CCDC50: variants seen among roughly 807,000 people sequenced by gnomAD.
CCDC50 encodes the protein coiled-coil domain containing 50, also known as coiled-coil domain-containing protein 50.
In CCDC50, 54 loss-of-function variants were observed where a neutral mutation model predicts 70.2. That is an observed-to-expected ratio of 0.77 (90% CI 0.62 to 0.96). CCDC50 has a LOEUF of 0.96. CCDC50 is among the 50% of genes least tolerant of loss of function. CCDC50 has a pLI of 0.00. For synonymous variants in CCDC50, 216 were observed against 198.8 expected (o/e 1.09, Z -0.73); for missense variants, 558 against 578.7 (o/e 0.96, Z 0.37).
At chr3:191,347,537 A>G (rs1366859165) in intron 1 of CCDC50, among the ~76,000 whole-genome samples, 1 of 142,224 alleles carries the variant, frequency 7.0e-6, no homozygotes, top group East Asian at 1.9e-4. Context: ...TCTAATCTTA[A>G]CAGTGCCACT....
chr3:191,346,201 A>C (rs1711918337), intron 1 of CCDC50, among the ~76,000 whole-genome samples: 2 of 152,316 alleles, frequency 1.3e-5, no homozygotes, highest in South Asian at 2.1e-4. Flanking sequence ...TCTTCCTTGT[A>C]AATATTTCTT....
At chr3:191,349,107 T>A (rs909512419) in intron 1 of CCDC50, among the ~76,000 whole-genome samples, 3 of 141,060 alleles carry the variant, frequency 2.1e-5, no homozygotes, top group Admixed American at 7.3e-5. Flanking sequence ...AGGGGGTTGG[T>A]TTTGCTAATG....
At chr3:191,374,006 G>A (rs1443597357) in intron 5 of CCDC50, among the ~76,000 whole-genome samples, 1 of 152,090 alleles carries the variant, frequency 6.6e-6, no homozygotes, top group Non-Finnish European at 1.5e-5. Flanking sequence ...TCTTTCAAAT[G>A]CAGTTCAGCA....
chr3:191,381,807 G>A (rs996672460), intron 9 of CCDC50, among the ~76,000 whole-genome samples: 11 of 152,018 alleles, frequency 7.2e-5, no homozygotes, highest in Admixed American at 2.6e-4. Context: ...GGTGTTTAGC[G>A]CTGGTCTCTC....
intron 9 of CCDC50, among the ~76,000 whole-genome samples, chr3:191,381,928 T>C (rs1270774141): frequency 6.6e-6 from 1 of 152,160 alleles, no homozygotes; most frequent in African/African-American, 2.4e-5. Flanking sequence ...TCTTTCCTGT[T>C]GCTCAGTTAC....
intron 10 of CCDC50, among the ~76,000 whole-genome samples, chr3:191,384,999 A>G (rs1204398886): frequency 6.6e-6 from 1 of 152,108 alleles, no homozygotes; most frequent in Non-Finnish European, 1.5e-5. Context: ...ATATGATTTC[A>G]TTCTTTTTTG....
intron 1 of CCDC50, among the ~76,000 whole-genome samples, chr3:191,347,530 A>C (rs76607907): frequency 0.013 from 1,846 of 142,256 alleles, 211 homozygotes; most frequent in African/African-American, 0.044. Flanking sequence ...TCTGAGCTCT[A>C]ATCTTAACAG....
At chr3:191,367,541 T>C (rs1368265220) in intron 4 of CCDC50, among the ~76,000 whole-genome samples, 3 of 152,184 alleles carry the variant, frequency 2.0e-5, no homozygotes, top group Admixed American at 2.0e-4. Context: ...TAGTCACTAC[T>C]AATACCAATT....
intron 10 of CCDC50, among the ~76,000 whole-genome samples, chr3:191,389,046 TTC>T (rs1713594196): frequency 6.6e-6 from 1 of 152,110 alleles, no homozygotes; most frequent in Non-Finnish European, 1.5e-5. Flanking sequence ...GAAATTTTGT[TTC>T]TGTTTCCTCC....
chr3:191,335,105 A>G (rs562778037), intron 1 of CCDC50, among the ~76,000 whole-genome samples: 42 of 152,330 alleles, frequency 2.8e-4, no homozygotes, highest in African/African-American at 9.9e-4. Flanking sequence ...AGCCCTTGTT[A>G]GGGACTTAAC....
At position 191,364,936 on chromosome 3, in the gene CCDC50, G is replaced by A. The variant is rs1712629559; in HGVS notation, c.330+3777G>A. Among the ~76,000 whole-genome samples, 3 of 151,760 alleles carry A rather than the reference G, an allele frequency of 2.0e-5. No individual in the cohort carries two copies. In the South Asian group the frequency reaches 6.3e-4, roughly 32 times the overall value. On this transcript the variant is annotated intron_variant, in intron 4 of 11. Coordinates refer to ENST00000392455, the MANE Select transcript of CCDC50 (RefSeq NM_178335.3). ...TCTCGAATATGGTAGTTCTCCCTAG[G>A]CTCCCTGTTGGAAGGAGCTTGTAGA...
intron 1 of CCDC50, among the ~76,000 whole-genome samples, chr3:191,354,965 C>G (rs1712230681): frequency 6.6e-6 from 1 of 152,136 alleles, no homozygotes. Context: ...GTATTCAGTA[C>G]AGCCACATTT....
At chr3:191,390,357 C>CT (rs928477885) in intron 11 of CCDC50, among the ~76,000 whole-genome samples, 27 of 23,988 alleles carry the variant, frequency 1.1e-3, no homozygotes, top group African/African-American at 4.0e-3. Context: ...TGGACGAAAC[C>CT]TTTAAAATTT....
Position 191,375,059 on chromosome 3 carries a change from C to A in CCDC50, c.449-3C>A, listed in dbSNP as rs781046909. 1 of 1,613,206 alleles carries A rather than the reference C, an allele frequency of 6.2e-7. No homozygotes were observed. Among genetic ancestry groups the A allele is most frequent in the Non-Finnish European group, 8.5e-7 (1 of 1,179,602 alleles). ...TTTTTCACATCCCTCTGCCTCCACTCAGACCAACCAGGGTCAAGGAGGGCC... is the reference window on the plus strand; with the variant it reads ...TTTTTCACATCCCTCTGCCTCCACTAAGACCAACCAGGGTCAAGGAGGGCC... On this transcript the variant is annotated splice_polypyrimidine_tract_variant and splice_region_variant and intron_variant, in intron 5 of 11. Transcript: ENST00000392455.
intron 6 of CCDC50, among the ~76,000 whole-genome samples, chr3:191,379,737 AAAG>A (rs1713244413): frequency 6.6e-6 from 1 of 152,136 alleles, no homozygotes; most frequent in Non-Finnish European, 1.5e-5. Context: ...AGATAAATAG[AAAG>A]AAGCCTCTAC....
At position 191,393,251 on chromosome 3, in the gene CCDC50, A is replaced by G. The variant is rs1713757270; in HGVS notation, c.*1491A>G. ...CCCTCTCTCTGTCTCCCCCCCATGT[A>G]CACATATATATATCCCTTCAGCTTG... On this transcript the variant is annotated 3_prime_UTR_variant, in exon 12 of 12. Transcript: ENST00000392455. 1.3e-5 allele frequency: 2 copies of G among 152,074 alleles called. No individual in the cohort carries two copies. Among genetic ancestry groups the G allele is most frequent in the Non-Finnish European group, 2.9e-5 (2 of 68,020 alleles). The allele number at this position is 152,074 out of a possible 1,614,324, so 9.4% of individuals were successfully genotyped here.
chr3:191,386,664 G>A (rs1039255518), intron 10 of CCDC50, among the ~76,000 whole-genome samples: 1 of 152,114 alleles, frequency 6.6e-6, no homozygotes. Flanking sequence ...ACAAAAATCA[G>A]TAGCATTTCT....
At chr3:191,378,736 TTTG>T (rs1322511978) in intron 6 of CCDC50, among the ~76,000 whole-genome samples, 2 of 151,154 alleles carry the variant, frequency 1.3e-5, no homozygotes, top group African/African-American at 4.9e-5. Flanking sequence ...CCACTGTTTT[TTTG>T]TTTGTTTGTT....
intron 1 of CCDC50, among the ~76,000 whole-genome samples, chr3:191,348,962 T>C (rs1465822857): frequency 7.0e-6 from 1 of 142,144 alleles, no homozygotes; most frequent in Non-Finnish European, 1.6e-5. Flanking sequence ...TAGCTATCAG[T>C]GATCAGCAAC....
Sources: allele counts gnomAD v4.1 joint callset (sites outside exome capture counted in the v4.1 genomes callset), GRCh38; gene constraint gnomAD v4.1.1; transcripts MANE v1.5; gene names NCBI Gene and HGNC (gene_info 2026-07-23, HGNC 2026-07-21).